Variants in ST6GAL1 observed in about 807,000 individuals in gnomAD.
The protein encoded by ST6GAL1 is ST6 beta-galactoside alpha-2,6-sialyltransferase 1, also known as beta-galactoside alpha-2,6-sialyltransferase 1.
ST6GAL1 carries 20 observed loss-of-function variants against 38.0 expected under a neutral mutation model. The ratio of observed to expected loss-of-function variants is 0.53; its 90% CI spans 0.37 to 0.77. The LOEUF (loss-of-function observed/expected upper bound fraction) is 0.77, where lower values mean the gene tolerates loss of function less well. Ranked by LOEUF, ST6GAL1 falls within the 30% of genes least tolerant of loss-of-function variation. The probability of loss-of-function intolerance (pLI) is 0.00; values close to 1 mark genes in which losing one functional copy is unlikely to be tolerated. For synonymous variants in ST6GAL1, 196 were observed against 188.2 expected, an observed-to-expected ratio of 1.04 and a Z score of -0.34; for missense variants, 432 against 496.4, an observed-to-expected ratio of 0.87 and a Z score of 1.23.
chr3:187,057,989 A>G (rs9839737), intron 5 of ST6GAL1, among the ~76,000 whole-genome samples: 10,630 of 152,150 alleles, frequency 0.07, 1,264 homozygotes, highest in African/African-American at 0.24. Context: ...TACCTACTCA[A>G]GCCTCAGCAA....
In ST6GAL1 at chr3:187,048,880, A is replaced by ATTTTTTTT. The variant is rs374148828; in HGVS notation, c.608-2348_608-2341dup. On this transcript the variant is annotated intron_variant, in intron 4 of 7. Coordinates refer to ENST00000169298, the MANE Select transcript of ST6GAL1 (RefSeq NM_173216.2). ...TCTGGCTCTGTCCCTGAGAAATTGA[A>ATTTTTTTT]TTTTTTTTTTTTTTTTTTTTTTTTT... Among the ~76,000 whole-genome samples the ATTTTTTTT allele has an allele frequency of 2.5e-3, 291 of 115,366 alleles. 17 individuals carry two copies. The highest frequency in any genetic ancestry group is 0.01 in the African/African-American group (276 of 26,498). The allele number at this position is 115,366 out of a possible 152,430, so 75.7% of individuals were successfully genotyped here. A position where few individuals can be genotyped will look rare whatever the true frequency, so the allele number is the denominator to read the frequency against.
chr3:186,948,393 C>T (rs1714452034), intron 1 of ST6GAL1, among the ~76,000 whole-genome samples: 1 of 152,196 alleles, frequency 6.6e-6, no homozygotes, highest in African/African-American at 2.4e-5. Flanking sequence ...CAACACTTAT[C>T]AAACTGGGCG....
At chr3:186,935,851 T>G (rs1350520559) in intron 1 of ST6GAL1, among the ~76,000 whole-genome samples, 3 of 152,056 alleles carry the variant, frequency 2.0e-5, no homozygotes, top group African/African-American at 7.3e-5. Context: ...TTTGAGCAGT[T>G]GTGAAGTTTG....
At chr3:186,974,207 GC>G (rs1453017726) in intron 2 of ST6GAL1, among the ~76,000 whole-genome samples, 6 of 152,124 alleles carry the variant, frequency 3.9e-5, no homozygotes, top group Non-Finnish European at 7.4e-5. Flanking sequence ...GGCTGACCAG[GC>G]GCCTGGCCAC....
chr3:187,023,871 A>T (rs1204861346), intron 2 of ST6GAL1, among the ~76,000 whole-genome samples: 2 of 151,154 alleles, frequency 1.3e-5, no homozygotes, highest in Non-Finnish European at 2.9e-5. Context: ...GTACCCTAAA[A>T]CTTAAAGTAT....
At chr3:187,071,158 A>G (rs893770687) in intron 5 of ST6GAL1, among the ~76,000 whole-genome samples, 1 of 152,050 alleles carries the variant, frequency 6.6e-6, no homozygotes, top group Non-Finnish European at 1.5e-5. Flanking sequence ...TGAGGTGGAG[A>G]GGGATTATTG....
At chr3:186,995,855 A>T in intron 2 of ST6GAL1, among the ~76,000 whole-genome samples, 1 of 152,160 alleles carries the variant, frequency 6.6e-6, no homozygotes, top group East Asian at 1.9e-4. Flanking sequence ...AGAAAAAAAA[A>T]AGATTGTTTA....
chr3:187,022,171 G>A (rs1686205655), intron 2 of ST6GAL1, among the ~76,000 whole-genome samples: 1 of 152,264 alleles, frequency 6.6e-6, no homozygotes, highest in African/African-American at 2.4e-5. Flanking sequence ...TCAATCTGTA[G>A]GATCTGACAC....
chr3:186,931,381 G>A (rs1713745249), intron 1 of ST6GAL1: 1 of 152,326 alleles, frequency 6.6e-6, no homozygotes, highest in African/African-American at 2.4e-5. Flanking sequence ...GAGGGCGAGA[G>A]AGACATTTAA....
chr3:187,058,428 G>C lies in ST6GAL1; in HGVS notation c.705+7082G>C, dbSNP rs183105067. 1.9e-3 allele frequency among the ~76,000 whole-genome samples: 296 copies of C among 152,246 alleles called. 2 individuals are homozygous for C. Among genetic ancestry groups the C allele is most frequent in the African/African-American group, 6.9e-3 (285 of 41,536 alleles). On this transcript the variant is annotated intron_variant, in intron 5 of 7. Coordinates refer to ENST00000169298, the MANE Select transcript of ST6GAL1 (RefSeq NM_173216.2). ...AGCTGTTCCTATTTGACCATCATAA[G>C]AATATTTTTATAACGGGATAGAAAT...
chr3:187,000,944 C>T (rs1342463874), intron 2 of ST6GAL1, among the ~76,000 whole-genome samples: 4 of 152,210 alleles, frequency 2.6e-5, no homozygotes, highest in African/African-American at 7.2e-5. Context: ...TGCATTTGTG[C>T]GTACTTCCCC....
chr3:187,007,142 A>T (rs1371754097), intron 2 of ST6GAL1, among the ~76,000 whole-genome samples: 1 of 152,244 alleles, frequency 6.6e-6, no homozygotes, highest in Admixed American at 6.5e-5. Context: ...ACAATGACTC[A>T]CGATGAACAT....
Position 186,999,759 on chromosome 3 carries a change from G to A in ST6GAL1, c.-183+35833G>A, listed in dbSNP as rs190984840. On this transcript the variant is annotated intron_variant, in intron 2 of 7. Coordinates refer to ENST00000169298, the MANE Select transcript of ST6GAL1 (RefSeq NM_173216.2). ...TAAGTGGAGTAGGAGGGCCATGTGC[G>A]TGCTCTGGGGGCAACAAACTTGGTG... is the stretch of plus-strand genomic sequence containing the variant. Among the ~76,000 whole-genome samples the A allele has an allele frequency of 8.5e-5, 13 of 152,242 alleles. 1 individual carries two copies. In the East Asian group the frequency reaches 1.5e-3, roughly 18 times the overall value.
At chr3:186,936,382 A>G (rs1713952771) in intron 1 of ST6GAL1, among the ~76,000 whole-genome samples, 1 of 152,296 alleles carries the variant, frequency 6.6e-6, no homozygotes, top group African/African-American at 2.4e-5. Flanking sequence ...AGTTGCTCTG[A>G]TGTAGTATCA....
At chr3:187,063,202 C>T (rs1718981758) in intron 5 of ST6GAL1, among the ~76,000 whole-genome samples, 1 of 152,118 alleles carries the variant, frequency 6.6e-6, no homozygotes, top group Non-Finnish European at 1.5e-5. Flanking sequence ...TGATTAGTTA[C>T]CCACAACATG....
chr3:187,028,210 G>T (rs1350599429), intron 2 of ST6GAL1, among the ~76,000 whole-genome samples: 1 of 152,190 alleles, frequency 6.6e-6, no homozygotes, highest in Admixed American at 6.5e-5. Context: ...GAGGTTTAGG[G>T]TCAGGGCAGG....
chr3:186,999,051 G>A (rs1678806104), intron 2 of ST6GAL1, among the ~76,000 whole-genome samples: 2 of 152,230 alleles, frequency 1.3e-5, no homozygotes, highest in South Asian at 4.1e-4. Context: ...GACCAGGAAG[G>A]GGGCCCGGGG....
At chr3:187,039,686 C>G (rs1718063030) in intron 3 of ST6GAL1, among the ~76,000 whole-genome samples, 1 of 152,336 alleles carries the variant, frequency 6.6e-6, no homozygotes, top group South Asian at 2.1e-4. Flanking sequence ...GTTTGCTACT[C>G]TTTTCCCTCG....
In ST6GAL1 at chr3:187,042,991, G is replaced by A. The variant is rs1260365970; in HGVS notation, c.288G>A (p.Trp96Ter). The part of the protein sequence containing the change: ...KAKPEASFQV[W>*]NKDSSSKNLI... ...AACCAGAGGCCTCCTTCCAGGTGTG[G>A]AACAAGGACAGCTCTTCCAAAAACC... Residue 96 changes from tryptophan (W) to a stop codon, truncating the protein, a stop_gained, in exon 4 of 8, where the codon TGG becomes TGA. Transcript: ENST00000169298. LOFTEE classifies it high-confidence loss of function. 1.9e-6 allele frequency: 3 copies of A among 1,614,132 alleles called. No individual in the cohort carries two copies. Among genetic ancestry groups the A allele is most frequent in the Non-Finnish European group, 2.5e-6 (3 of 1,180,030 alleles).
Sources: allele counts gnomAD v4.1 joint callset (sites outside exome capture counted in the v4.1 genomes callset), GRCh38; gene constraint gnomAD v4.1.1; transcripts MANE v1.5; gene names NCBI Gene and HGNC (gene_info 2026-07-23, HGNC 2026-07-21).